CARS2: variants seen among roughly 807,000 people sequenced by gnomAD.
CARS2 encodes the protein cysteinyl-tRNA synthetase 2, mitochondrial.
Under a neutral mutation model 68.8 loss-of-function variants are expected in CARS2, and 52 were observed. The ratio of observed to expected loss-of-function variants is 0.76; its 90% CI spans 0.61 to 0.95. The LOEUF (loss-of-function observed/expected upper bound fraction) is 0.95. Ranked by LOEUF, CARS2 falls within the 40% of genes least tolerant of loss-of-function variation. CARS2 has a pLI of 0.00. For missense variants in CARS2, 780 were observed against 754.2 expected (o/e 1.03, Z -0.40); for synonymous variants, 314 against 303.6 (o/e 1.03, Z -0.36).
chr13:110,663,429 T>C (rs1026906203), intron 9 of CARS2, 22 bp downstream of exon 9: 1 of 1,607,938 alleles, frequency 6.2e-7, no homozygotes, highest in African/African-American at 1.3e-5. Flanking sequence ...ACCTCAGAGA[T>C]ACAATACAAA....
chr13:110,645,801 A>G (rs1328407210), intron 12 of CARS2, 166 bp downstream of exon 12: 1 of 911,868 alleles, frequency 1.1e-6, no homozygotes, highest in Non-Finnish European at 1.6e-6. Context: ...GCTGGGTGCC[A>G]TCCCGTGTGT....
chr13:110,683,741 G>GT (rs1491233520), intron 5 of CARS2, among the ~76,000 whole-genome samples: 1 of 149,478 alleles, frequency 6.7e-6, no homozygotes, highest in Non-Finnish European at 1.5e-5. Flanking sequence ...ATCTGGCTGG[G>GT]TGCAGTGGCT....
Position 110,701,530 on chromosome 13 carries a change from G to C in CARS2, c.301C>G (p.Arg101Gly), listed in dbSNP as rs777672253. ...ACSYVRFDII[R>G]RILTKVFGCS... ...CCAAAAACCTTGGTTAGGATCCTTC[G>C]AATGATATCAAATCTAACATATGAG... Residue 101 changes from arginine (R) to glycine (G), a missense_variant, in exon 3 of 15, where the codon CGA (arginine) becomes GGA (glycine). Transcript: ENST00000257347. 8 of 1,556,766 alleles carry C rather than the reference G, an allele frequency of 5.1e-6. No individual in the cohort carries two copies. The highest frequency in any genetic ancestry group is 7.1e-6 in the Non-Finnish European group (8 of 1,127,978).
chr13:110,692,617 G>A (rs1447725018), intron 3 of CARS2, among the ~76,000 whole-genome samples: 12 of 143,710 alleles, frequency 8.4e-5, no homozygotes, highest in Admixed American at 2.8e-4. Context: ...TATCTAGGCC[G>A]GCCTGAGCAA....
At chr13:110,682,877 C>T (rs1411587432) in intron 6 of CARS2, among the ~76,000 whole-genome samples, 174 bp downstream of exon 6, 1 of 152,158 alleles carries the variant, frequency 6.6e-6, no homozygotes, top group African/African-American at 2.4e-5. Flanking sequence ...GAACTATATG[C>T]CTCACAAGCT....
chr13:110,702,818 C>G (rs1041599522), intron 2 of CARS2, among the ~76,000 whole-genome samples: 1 of 152,212 alleles, frequency 6.6e-6, no homozygotes, highest in African/African-American at 2.4e-5. Context: ...AACATGGCAT[C>G]AGGAGACCTC....
At chr13:110,694,031 G>GT (rs1333233153) in intron 3 of CARS2, among the ~76,000 whole-genome samples, 5 of 151,924 alleles carry the variant, frequency 3.3e-5, no homozygotes, top group African/African-American at 1.2e-4. Flanking sequence ...TTTTTGTTTT[G>GT]TTTTTTATTT....
At chr13:110,685,463 C>T (rs1263932772) in intron 5 of CARS2, among the ~76,000 whole-genome samples, 3 of 152,244 alleles carry the variant, frequency 2.0e-5, no homozygotes, top group African/African-American at 4.8e-5. Context: ...AGGACAGGAA[C>T]GTCCAGGGCA....
intron 10 of CARS2, 107 bp from the exon 11 acceptor site, chr13:110,647,346 C>A (rs372047833): frequency 5.8e-5 from 80 of 1,376,178 alleles, no homozygotes; most frequent in Middle Eastern, 2.1e-4. Context: ...AGGGACCACA[C>A]GGAGAGCGGG....
intron 7 of CARS2, among the ~76,000 whole-genome samples, chr13:110,675,551 C>T (rs112243142): frequency 4.5e-4 from 69 of 152,112 alleles, no homozygotes; most frequent in African/African-American, 1.4e-3. Context: ...CACACCAGGG[C>T]CTGTCATGGG....
chr13:110,644,461 G>A lies in CARS2; in HGVS notation c.1340C>T (p.Pro447Leu), dbSNP rs1887820999. 6.2e-7 allele frequency: 1 copy of A among 1,614,076 alleles called. No homozygotes were observed. The highest frequency in any genetic ancestry group is 1.1e-5 in the South Asian group (1 of 91,082). Residue 447 changes from proline to leucine, a missense_variant, in exon 13 of 15, where the codon CCT (proline) becomes CTT (leucine). Coordinates refer to ENST00000257347, the MANE Select transcript of CARS2 (RefSeq NM_024537.4). ...AGAGATGATGGCACCAAACACAGCA[G>A]GACTTCTCGGCCCTTCAGGTTCCTG... Reference protein sequence around the residue: ...SLKEPEGPRSPAVFGAIISYF... With the variant: ...SLKEPEGPRSLAVFGAIISYF...
At chr13:110,713,113 A>G (rs1208594949) in intron 1 of CARS2, 49 of 1,436,162 alleles carry the variant, frequency 3.4e-5, no homozygotes, top group Non-Finnish European at 3.9e-5. Context: ...TTCTAGTAGT[A>G]AGAGTCCGGG....
chr13:110,643,882 G>C, intron 13 of CARS2: 1 of 269,250 alleles, frequency 3.7e-6, no homozygotes. Context: ...CGGAAGAGAA[G>C]GAATGTGGAG....
At chr13:110,657,707 A>C (rs971345753) in intron 9 of CARS2, among the ~76,000 whole-genome samples, 10 of 152,254 alleles carry the variant, frequency 6.6e-5, no homozygotes, top group African/African-American at 2.4e-4. Context: ...ATACCTGATC[A>C]AAGTGAAGCC....
intron 10 of CARS2, chr13:110,650,106 G>A (rs1357803234): frequency 3.3e-5 from 5 of 151,544 alleles, no homozygotes; most frequent in African/African-American, 9.7e-5. Context: ...CAATTTTTTT[G>A]TATTTTTTTC....
intron 10 of CARS2, chr13:110,648,386 C>T (rs2139688991): frequency 6.6e-6 from 1 of 152,396 alleles, no homozygotes; most frequent in East Asian, 1.9e-4. Flanking sequence ...ATGGAGACGC[C>T]TTCTGCCTCA....
chr13:110,663,743 G>C (rs370373885), intron 8 of CARS2: 58 of 1,284,990 alleles, frequency 4.5e-5, no homozygotes, highest in East Asian at 1.2e-4. Context: ...CCCACACTGA[G>C]AGCAGATGGC....
chr13:110,650,897 C>T (rs1470293084), intron 10 of CARS2, 137 bp downstream of exon 10: 16 of 668,838 alleles, frequency 2.4e-5, no homozygotes, highest in Admixed American at 5.1e-5. Flanking sequence ...ACTCTCAACC[C>T]GAACCGTAAG....
chr13:110,669,791 G>A (rs770562791), intron 7 of CARS2, among the ~76,000 whole-genome samples: 1 of 152,140 alleles, frequency 6.6e-6, no homozygotes, highest in African/African-American at 2.4e-5. Context: ...GTGAGGGGTC[G>A]GGGAATTCCC....
Sources: gnomAD v4.1 joint callset for allele counts (sites outside exome capture counted in the v4.1 genomes callset) on GRCh38, gnomAD v4.1.1 for gene constraint, MANE v1.5 for transcripts, NCBI Gene and HGNC (gene_info 2026-07-23, HGNC 2026-07-21) for gene names.